The following KLHL1 variants were observed in gnomAD, a reference collection of about 807,000 sequenced individuals.
The protein encoded by KLHL1 is kelch-like protein 1.
In KLHL1, 47 loss-of-function variants were observed where a neutral mutation model predicts 77.7. The ratio of observed to expected loss-of-function variants is 0.60; its 90% CI spans 0.48 to 0.77. KLHL1 has a LOEUF of 0.77. Ranked by LOEUF, KLHL1 falls within the 30% of genes least tolerant of loss-of-function variation. KLHL1 has a pLI of 0.00. For missense variants in KLHL1, 925 were observed against 910.8 expected (o/e 1.02, Z -0.20); for synonymous variants, 360 against 325.2 (o/e 1.11, Z -1.15).
intron 3 of KLHL1, among the ~76,000 whole-genome samples, chr13:69,945,837 A>G (rs1259143126): frequency 6.6e-6 from 1 of 152,204 alleles, no homozygotes; most frequent in Non-Finnish European, 1.5e-5. Flanking sequence ...GCTCAAGAGT[A>G]AAGGAAGAAT....
intron 4 of KLHL1, among the ~76,000 whole-genome samples, chr13:69,921,082 T>C (rs1566403593): frequency 6.6e-6 from 1 of 152,226 alleles, no homozygotes; most frequent in Non-Finnish European, 1.5e-5. Context: ...AAGGGACAAC[T>C]ATTTTTTCCA....
In KLHL1 at chr13:70,006,874, A is replaced by G. The variant is rs950954779; in HGVS notation, c.498-31072T>C. On this transcript the variant is annotated intron_variant, in intron 1 of 10. Coordinates refer to ENST00000377844, the MANE Select transcript of KLHL1 (RefSeq NM_020866.3). ...TATATGTTTTCTTAATTAGAAAACT[A>G]TAAATAATCATACAATGTTTTTAAG... Among the ~76,000 whole-genome samples the G allele has an allele frequency of 3.9e-5, 6 of 152,106 alleles. No individual in the cohort carries two copies. In the South Asian group the frequency reaches 6.2e-4, roughly 16 times the overall value.
chr13:70,024,499 C>T (rs964360035), intron 1 of KLHL1, among the ~76,000 whole-genome samples: 22 of 151,746 alleles, frequency 1.4e-4, no homozygotes, highest in African/African-American at 4.8e-4. Context: ...CTTTGCTTTG[C>T]TTTCTAGAAG....
intron 4 of KLHL1, among the ~76,000 whole-genome samples, chr13:69,908,173 G>A (rs926184240): frequency 1.3e-5 from 2 of 151,858 alleles, no homozygotes; most frequent in Admixed American, 6.6e-5. Context: ...ATGGGCTATG[G>A]GTATACCAGC....
chr13:69,959,940 GTC>G (rs1352101972), intron 3 of KLHL1, among the ~76,000 whole-genome samples: 2 of 151,764 alleles, frequency 1.3e-5, no homozygotes, highest in Non-Finnish European at 2.9e-5. Context: ...CTGAGTTTGG[GTC>G]TCTCTCCTAA....
chr13:70,084,985 T>C (rs770680575), intron 1 of KLHL1, among the ~76,000 whole-genome samples: 43 of 152,258 alleles, frequency 2.8e-4, no homozygotes, highest in Non-Finnish European at 5.3e-4. Flanking sequence ...AATGGATGAA[T>C]TGAGTTTGTG....
At chr13:69,770,667 G>A (rs1349115130) in intron 7 of KLHL1, among the ~76,000 whole-genome samples, 1 of 152,156 alleles carries the variant, frequency 6.6e-6, no homozygotes, top group African/African-American at 2.4e-5. Context: ...GAAATGAACT[G>A]AATGAGAGAG....
rs865999581 is a variant in KLHL1, at chr13:69,901,819, C to T, written c.1015-19324G>A. 1.4e-4 allele frequency among the ~76,000 whole-genome samples: 17 copies of T among 117,272 alleles called. 1 individual carries two copies. Among genetic ancestry groups the T allele is most frequent in the Middle Eastern group, 8.2e-3 (1 of 122 alleles). The allele number at this position is 117,272 out of a possible 152,430, so 76.9% of individuals were successfully genotyped here. ...TCTTTTTTTTTTTTTTTTTCTGAGACGGAGTCTCGCTCTTGTTGCCCAGGC... is the reference window on the plus strand; with the variant it reads ...TCTTTTTTTTTTTTTTTTTCTGAGATGGAGTCTCGCTCTTGTTGCCCAGGC... On this transcript the variant is annotated intron_variant, in intron 4 of 10. Transcript: ENST00000377844.
intron 4 of KLHL1, among the ~76,000 whole-genome samples, chr13:69,898,425 G>T (rs1208580964): frequency 6.6e-6 from 1 of 152,128 alleles, no homozygotes; most frequent in African/African-American, 2.4e-5. Flanking sequence ...GGTCCTTTTG[G>T]CTGTGTGGTG....
chr13:70,078,899 C>A (rs1381130789), intron 1 of KLHL1, among the ~76,000 whole-genome samples: 1 of 152,094 alleles, frequency 6.6e-6, no homozygotes, highest in Non-Finnish European at 1.5e-5. Context: ...CCCACTTAAA[C>A]AACTAGTCCT....
At chr13:69,933,835 C>A (rs192663423) in intron 4 of KLHL1, among the ~76,000 whole-genome samples, 1 of 151,972 alleles carries the variant, frequency 6.6e-6, no homozygotes, top group Non-Finnish European at 1.5e-5. Flanking sequence ...TCACAAAGTT[C>A]TTTGGTCTTA....
chr13:69,837,216 A>G (rs1879033262), intron 6 of KLHL1, among the ~76,000 whole-genome samples: 1 of 151,770 alleles, frequency 6.6e-6, no homozygotes, highest in Non-Finnish European at 1.5e-5. Context: ...GTGTATATTT[A>G]AGGAAATACT....
At chr13:70,039,842 T>C (rs751546335) in intron 1 of KLHL1, among the ~76,000 whole-genome samples, 12 of 151,980 alleles carry the variant, frequency 7.9e-5, no homozygotes, top group Non-Finnish European at 1.6e-4. Context: ...GTTTTCACCA[T>C]ATGGGCCAGG....
chr13:69,936,001 G>C (rs1373621302), intron 4 of KLHL1, among the ~76,000 whole-genome samples: 1 of 151,284 alleles, frequency 6.6e-6, no homozygotes, highest in Non-Finnish European at 1.5e-5. Flanking sequence ...AATTGTATAA[G>C]AAAGTTTATG....
At chr13:69,755,938 G>T (rs554051875) in intron 7 of KLHL1, among the ~76,000 whole-genome samples, 2 of 152,200 alleles carry the variant, frequency 1.3e-5, no homozygotes, top group Non-Finnish European at 2.9e-5. Flanking sequence ...TAATCTTTTT[G>T]ATTCTCGCTG....
At chr13:69,997,468 T>C (rs1885184230) in intron 1 of KLHL1, among the ~76,000 whole-genome samples, 1 of 151,106 alleles carries the variant, frequency 6.6e-6, no homozygotes, top group South Asian at 2.1e-4. Flanking sequence ...CCCCATTTTC[T>C]CTCCCTTCTA....
intron 1 of KLHL1, among the ~76,000 whole-genome samples, chr13:70,006,584 C>T (rs138549956): frequency 6.6e-6 from 1 of 151,414 alleles, no homozygotes; most frequent in African/African-American, 2.4e-5. Flanking sequence ...CCAGTGAAGC[C>T]ATTTGTCCTG....
intron 1 of KLHL1, among the ~76,000 whole-genome samples, chr13:70,061,766 T>TG (rs1955325397): frequency 6.6e-6 from 1 of 152,220 alleles, no homozygotes; most frequent in Admixed American, 6.5e-5. Flanking sequence ...TCTCTTTTTT[T>TG]GTGTGTTTAT....
intron 3 of KLHL1, among the ~76,000 whole-genome samples, chr13:69,941,170 A>C (rs1435114141): frequency 6.6e-6 from 1 of 152,192 alleles, no homozygotes; most frequent in Non-Finnish European, 1.5e-5. Context: ...TGTTCTTTTC[A>C]TCAGCACAGG....
Sources: gnomAD v4.1 joint callset for allele counts (sites outside exome capture counted in the v4.1 genomes callset) on GRCh38, gnomAD v4.1.1 for gene constraint, MANE v1.5 for transcripts, NCBI Gene and HGNC (gene_info 2026-07-23, HGNC 2026-07-21) for gene names.